The following SARS1 variants were observed in gnomAD, a reference collection of about 807,000 sequenced individuals.
SARS1 encodes the protein serine--tRNA ligase, cytoplasmic.
Under a neutral mutation model 63.7 loss-of-function variants are expected in SARS1, and 25 were observed. That is an observed-to-expected ratio of 0.39 (90% CI 0.29 to 0.55). SARS1 has a LOEUF of 0.55. SARS1 is among the 20% of genes least tolerant of loss of function. The pLI is 0.62. For synonymous variants in SARS1, 231 were observed against 243.5 expected (o/e 0.95, Z 0.48); for missense variants, 417 against 649.7 (o/e 0.64, Z 3.89).
Position 109,233,526 on chromosome 1 carries a change from T to G in SARS1, c.748-1684T>G, listed in dbSNP as rs191657529. Among the ~76,000 whole-genome samples the G allele has an allele frequency of 1.4e-3, 215 of 152,106 alleles. 4 individuals carry two copies. Among genetic ancestry groups the G allele is most frequent in the East Asian group, 3.7e-3 (19 of 5,194 alleles). On this transcript the variant is annotated intron_variant, in intron 6 of 10. Transcript: ENST00000234677. ...TAAAATGCTGCTACATAACAAAATT[T>G]AGAAATGGCAGAGGGAATTATCTGC...
rs1218967443 is a variant in SARS1 at position 109,229,671 on chromosome 1, C to T, written c.447+99C>T. 8 of 1,253,226 alleles carry T rather than the reference C, an allele frequency of 6.4e-6. 1 individual carries two copies. Among genetic ancestry groups the T allele is most frequent in the East Asian group, 4.7e-5 (2 of 42,454 alleles). The allele number at this position is 1,253,226 out of a possible 1,614,324, so 77.6% of individuals were successfully genotyped here. ...TCTGTGGAACACTGGCATTGTCTGT[C>T]AGAAGCAGGTTCTTTGTATATTCCC... On this transcript the variant is annotated intron_variant, in intron 4 of 10. Transcript: ENST00000234677.
chr1:109,237,810 G>A lies in SARS1; in HGVS notation c.1467G>A (p.Glu489=), dbSNP rs926473075. 5.0e-6 allele frequency: 8 copies of A among 1,614,172 alleles called. No homozygotes were observed. The Admixed American group carries it at 5.0e-5, about 10-fold the overall frequency. The change falls in exon 11 of 11, where the codon GAG becomes GAA. Residue 489 remains glutamate, a synonymous_variant. Coordinates refer to ENST00000234677, the MANE Select transcript of SARS1 (RefSeq NM_006513.4). The surrounding 1 kb of genome is among the most constrained non-coding windows in gnomAD (Gnocchi z 4.1). The part of the protein sequence containing the change: ...EPSKKQKKQH[E]GSKKKAAARD... ...CAAAGAAGCAGAAGAAGCAACATGA[G>A]GGCAGCAAAAAGAAAGCAGCAGCAA...
At chr1:109,221,566 T>A (rs1654929896) in intron 1 of SARS1, among the ~76,000 whole-genome samples, 2 of 152,130 alleles carry the variant, frequency 1.3e-5, no homozygotes, top group Admixed American at 6.6e-5. Context: ...ATCTGAACTA[T>A]TACAATTAAA....
At chr1:109,226,677 A>AAAAAAAATAT (rs1178056468) in intron 2 of SARS1, among the ~76,000 whole-genome samples, 3 of 44,960 alleles carry the variant, frequency 6.7e-5, no homozygotes, top group African/African-American at 2.5e-4. Flanking sequence ...AAAAAAAAAA[A>AAAAAAAATAT]ATATATATAT....
At chr1:109,236,601 C>A in intron 9 of SARS1, 53 bp downstream of exon 9, 1 of 1,573,804 alleles carries the variant, frequency 6.4e-7, no homozygotes, top group South Asian at 1.1e-5. Context: ...ACGGCCCGTC[C>A]GAATTATTTC....
rs145167545 is a variant in SARS1, at chr1:109,232,465, G to T, written c.747+679G>T. Among the ~76,000 whole-genome samples, 92 of 152,322 alleles carry T rather than the reference G, an allele frequency of 6.0e-4. No homozygotes were observed. In the Middle Eastern group the frequency reaches 0.031, roughly 51 times the overall value. On this transcript the variant is annotated intron_variant, in intron 6 of 10. Coordinates refer to ENST00000234677, the MANE Select transcript of SARS1 (RefSeq NM_006513.4). ...TCCCTCCCTTTCAACTCTTCTGTCAGAAATAGGGACTTAGTTCCTACTGGC... is the reference window on the plus strand; with the variant it reads ...TCCCTCCCTTTCAACTCTTCTGTCATAAATAGGGACTTAGTTCCTACTGGC...
chr1:109,227,397 G>C (rs1186463870), intron 2 of SARS1, among the ~76,000 whole-genome samples: 1 of 152,136 alleles, frequency 6.6e-6, no homozygotes, highest in Non-Finnish European at 1.5e-5. Flanking sequence ...ATTATCATAC[G>C]GAAGGATGAG....
In SARS1 at chr1:109,228,437, G is replaced by A. The variant is rs1247949158; in HGVS notation, c.288+5G>A. 2 of 1,596,644 alleles carry A rather than the reference G, an allele frequency of 1.3e-6. No homozygotes were observed. Among genetic ancestry groups the A allele is most frequent in the Non-Finnish European group, 1.7e-6 (2 of 1,164,914 alleles). Reference sequence around the variant, plus strand: ...CTTACTGCAGACGCTTTAGCTGTAAGTTATAGTTCTTTTCTAAGTTAGGAT... The same window carrying A: ...CTTACTGCAGACGCTTTAGCTGTAAATTATAGTTCTTTTCTAAGTTAGGAT... On this transcript the variant is annotated splice_donor_5th_base_variant and intron_variant, in intron 3 of 10. Transcript: ENST00000234677.
chr1:109,235,377 G>A lies in SARS1; in HGVS notation c.915G>A (p.Val305=), dbSNP rs1306776473. The change falls in exon 7 of 11, where the codon GTG becomes GTA. Residue 305 remains valine (V), a synonymous_variant. Coordinates refer to ENST00000234677, the MANE Select transcript of SARS1 (RefSeq NM_006513.4). The surrounding 1 kb of genome is among the most constrained non-coding windows in gnomAD (Gnocchi z 4.7). ...TGTCTACCTGCTTCCGTCAGGAGGT[G>A]GGCTCCCATGGCCGTGACACCCGTG... ...AGLSTCFRQE[V]GSHGRDTRGI... The A allele has an allele frequency of 1.2e-6, 2 of 1,613,840 alleles. No homozygotes were observed. Among genetic ancestry groups the A allele is most frequent in the African/African-American group, 1.3e-5 (1 of 74,892 alleles).
Position 109,235,441 on chromosome 1 carries a change from TG to T in SARS1, c.969+13del. On this transcript the variant is annotated intron_variant, in intron 7 of 10. Transcript: ENST00000234677. The surrounding 1 kb of genome is among the most constrained non-coding windows in gnomAD (Gnocchi z 4.7). ...CCATCAGTTTGAGAAGGTGAGTAGA[TG>T]GGTCAGGGTAAGGAGTGGAACTTTC... The T allele has an allele frequency of 1.2e-6, 2 of 1,605,512 alleles. No individual in the cohort carries two copies. The highest frequency in any genetic ancestry group is 8.5e-7 in the Non-Finnish European group (1 of 1,175,942).
At chr1:109,229,347 C>A in intron 3 of SARS1, 67 bp from the exon 4 acceptor site, 1 of 1,529,630 alleles carries the variant, frequency 6.5e-7, no homozygotes, top group South Asian at 1.2e-5. Flanking sequence ...TTAGGGCAAC[C>A]GAATCATATT....
In SARS1 at chr1:109,237,817, A is replaced by G; in HGVS notation, c.1474A>G (p.Lys492Glu). Residue 492 changes from lysine to glutamate, a missense_variant, in exon 11 of 11, where the codon AAA becomes GAA. Physicochemically the swap from Lys to Glu is moderately conservative, Grantham distance 56. Around this residue, in one of 3 missense-constraint regions of SARS1, gnomAD observed 43 missense variants for 68.1 expected, o/e 0.63. Coordinates refer to ENST00000234677, the MANE Select transcript of SARS1 (RefSeq NM_006513.4). This position sits in a 1 kb window ranked among gnomAD's most constrained non-coding sequence, Gnocchi z 4.1. ...KKQKKQHEGS[K>E]KKAAARDVTL... is the part of the protein sequence containing the mutation. ...GCAGAAGAAGCAACATGAGGGCAGC[A>G]AAAAGAAAGCAGCAGCAAGAGACGT... The G allele has an allele frequency of 1.2e-6, 2 of 1,614,236 alleles. No individual in the cohort carries two copies. Among genetic ancestry groups the G allele is most frequent in the Non-Finnish European group, 1.7e-6 (2 of 1,180,032 alleles).
intron 1 of SARS1, chr1:109,215,053 G>C: frequency 1.0e-6 from 1 of 985,484 alleles, no homozygotes; most frequent in Non-Finnish European, 1.2e-6. Flanking sequence ...ACACTGCAAA[G>C]GCAGCCACTA....
Position 109,213,988 on chromosome 1 carries a change from AG to A in SARS1, c.-4del, listed in dbSNP as rs780378419. 1 of 1,608,350 alleles carries A rather than the reference AG, an allele frequency of 6.2e-7. No individual in the cohort carries two copies. Among genetic ancestry groups the A allele is most frequent in the Non-Finnish European group, 8.5e-7 (1 of 1,177,140 alleles). On this transcript the variant is annotated 5_prime_UTR_variant, in exon 1 of 11. Transcript: ENST00000234677. The stretch of plus-strand genomic sequence containing the variant: ...TCCCTGAGCGTTGGCCCGGGAGGAA[AG>A]AAGATGGTGCTGGATCTGGATTTGT...
intron 1 of SARS1, among the ~76,000 whole-genome samples, chr1:109,220,853 C>G (rs537314730): frequency 6.6e-6 from 1 of 152,038 alleles, no homozygotes; most frequent in Non-Finnish European, 1.5e-5. Context: ...TTTTTGTAGA[C>G]ATTTTATTTC....
At chr1:109,236,643 C>T in intron 9 of SARS1, 95 bp downstream of exon 9, 1 of 1,517,976 alleles carries the variant, frequency 6.6e-7, no homozygotes, top group African/African-American at 1.4e-5. Context: ...TCCCCAGCAT[C>T]ATGGGAAAAT....
intron 1 of SARS1, among the ~76,000 whole-genome samples, chr1:109,223,247 T>A (rs682612): frequency 0.97 from 147,532 of 152,304 alleles, 71,583 homozygotes; most frequent in Middle Eastern, 1. Context: ...TAAAAGGGTA[T>A]CATTAGCCAT....
rs1352527538 is a variant in SARS1 at position 109,235,939 on chromosome 1, A to G, written c.970-38A>G. On this transcript the variant is annotated intron_variant, in intron 7 of 10. Transcript: ENST00000234677. The surrounding 1 kb of genome is among the most constrained non-coding windows in gnomAD (Gnocchi z 4.7). ...CCCACTTCAGTCCTTTATTCACCCT[A>G]TACCGCTGTCACCGTTTCCTTGGGT... is the stretch of plus-strand genomic sequence containing the variant. 1.3e-6 allele frequency: 2 copies of G among 1,572,402 alleles called. No homozygotes were observed. The highest frequency in any genetic ancestry group is 1.2e-5 in the South Asian group (1 of 83,146).
intron 2 of SARS1, among the ~76,000 whole-genome samples, chr1:109,227,759 G>A (rs1191177755): frequency 4.0e-5 from 6 of 149,788 alleles, no homozygotes; most frequent in Non-Finnish European, 7.4e-5. Flanking sequence ...AAAAAAAAAA[G>A]GAAAAAAAAA....
Sources: allele counts gnomAD v4.1 joint callset (sites outside exome capture counted in the v4.1 genomes callset), GRCh38; gene constraint gnomAD v4.1.1; regional missense constraint gnomAD v4.1.1; non-coding constraint Gnocchi (gnomAD v3.1); transcripts MANE v1.5; gene names NCBI Gene and HGNC (gene_info 2026-07-23, HGNC 2026-07-21).